Variants in SNX29 observed in about 807,000 individuals in gnomAD.
SNX29 encodes sorting nexin-29.
A neutral mutation model predicts 102.1 loss-of-function variants in SNX29; 78 were observed. The ratio of observed to expected loss-of-function variants is 0.76; its 90% CI spans 0.64 to 0.92. The LOEUF (loss-of-function observed/expected upper bound fraction) is 0.92. Among genes scored for constraint, SNX29 ranks in the 40% least tolerant of loss-of-function variants. The probability of loss-of-function intolerance (pLI) is 0.00; values close to 1 mark genes in which losing one functional copy is unlikely to be tolerated. For synonymous variants in SNX29, 580 were observed against 414.5 expected, an observed-to-expected ratio of 1.40 and a Z score of -4.85; for missense variants, 1,280 against 1,061.7, an observed-to-expected ratio of 1.21 and a Z score of -2.86.
chr16:12,537,796 C>CTATATCAGAGAGG (rs1491556012), intron 20 of SNX29, among the ~76,000 whole-genome samples: 3 of 151,990 alleles, frequency 2.0e-5, no homozygotes, highest in Non-Finnish European at 4.4e-5. Context: ...AAAATATCTC[C>CTATATCAGAGAGG]TATATCAGAG....
At chr16:12,046,973 T>C (rs1426360070) in intron 6 of SNX29, among the ~76,000 whole-genome samples, 2 of 152,134 alleles carry the variant, frequency 1.3e-5, no homozygotes, top group African/African-American at 2.4e-5. Flanking sequence ...AAAGTGAAGA[T>C]TTGAAGGTTT....
chr16:12,422,213 G>T (rs980462144), intron 18 of SNX29, among the ~76,000 whole-genome samples: 3 of 152,230 alleles, frequency 2.0e-5, no homozygotes, highest in African/African-American at 4.8e-5. Context: ...CTCAATGGCT[G>T]TGTGACCTTG....
intron 16 of SNX29, among the ~76,000 whole-genome samples, chr16:12,383,588 C>A (rs1035961611): frequency 6.6e-6 from 1 of 151,912 alleles, no homozygotes; most frequent in African/African-American, 2.4e-5. Context: ...AGGCGCCCAC[C>A]ACCACGCCCA....
At chr16:12,394,847 G>T (rs973196979) in intron 16 of SNX29, among the ~76,000 whole-genome samples, 2 of 152,138 alleles carry the variant, frequency 1.3e-5, no homozygotes, top group Non-Finnish European at 2.9e-5. Context: ...CCATGAAATC[G>T]GAAGCACACC....
chr16:12,224,014 C>A (rs187065588), intron 14 of SNX29, among the ~76,000 whole-genome samples: 141 of 152,296 alleles, frequency 9.3e-4, no homozygotes, highest in African/African-American at 3.3e-3. Flanking sequence ...GCCCAGGTCT[C>A]CTCACTCCAG....
At chr16:12,536,517 CT>C (rs1483067254) in intron 20 of SNX29, among the ~76,000 whole-genome samples, 2 of 152,166 alleles carry the variant, frequency 1.3e-5, no homozygotes, top group African/African-American at 4.8e-5. Context: ...CTTCATGCCT[CT>C]ATTTTCCCCT....
At chr16:12,162,891 CT>C (rs915590328) in intron 13 of SNX29, among the ~76,000 whole-genome samples, 4 of 149,184 alleles carry the variant, frequency 2.7e-5, no homozygotes, top group African/African-American at 2.5e-5. Context: ...CTTTGTTTTT[CT>C]TTTTTTTTTG....
At chr16:12,533,361 A>C (rs2076982990) in intron 20 of SNX29, among the ~76,000 whole-genome samples, 1 of 152,148 alleles carries the variant, frequency 6.6e-6, no homozygotes, top group Non-Finnish European at 1.5e-5. Context: ...CTTAGATGCT[A>C]AGAGGCTGTT....
intron 15 of SNX29, among the ~76,000 whole-genome samples, chr16:12,305,576 A>G (rs532638487): frequency 2.5e-4 from 38 of 152,214 alleles, no homozygotes; most frequent in South Asian, 4.2e-4. Context: ...AAATTTTGCT[A>G]TTTTGTTCTC....
intron 11 of SNX29, among the ~76,000 whole-genome samples, chr16:12,080,114 T>TC (rs994758028): frequency 6.6e-6 from 1 of 152,038 alleles, no homozygotes; most frequent in African/African-American, 2.4e-5. Flanking sequence ...ACGTTGAAGC[T>TC]CCCCCGACCT....
At chr16:12,503,739 T>G (rs960552036) in intron 19 of SNX29, among the ~76,000 whole-genome samples, 3 of 152,122 alleles carry the variant, frequency 2.0e-5, no homozygotes, top group Non-Finnish European at 4.4e-5. Flanking sequence ...AGAGGCTTTC[T>G]TCAAGGCAGA....
intron 20 of SNX29, chr16:12,526,449 A>G (rs2076785718): frequency 4.5e-6 from 2 of 444,122 alleles, no homozygotes; most frequent in African/African-American, 2.0e-5. Flanking sequence ...AAGACATTAT[A>G]GTATCCTGCT....
At chr16:12,398,326 A>G (rs2083792158) in intron 16 of SNX29, 120 bp from the exon 17 acceptor site, 4 of 1,105,382 alleles carry the variant, frequency 3.6e-6, no homozygotes, top group South Asian at 2.7e-5. Flanking sequence ...CTGCTTTTTC[A>G]CTTCATTCTG....
intron 13 of SNX29, among the ~76,000 whole-genome samples, chr16:12,184,265 A>G (rs751591805): frequency 5.3e-5 from 8 of 152,148 alleles, no homozygotes; most frequent in South Asian, 2.1e-4. Flanking sequence ...AGTGTCTTTT[A>G]TAGCCATTTC....
chr16:12,036,225 C>G (rs1042282531), intron 4 of SNX29, among the ~76,000 whole-genome samples: 2 of 152,084 alleles, frequency 1.3e-5, no homozygotes, highest in African/African-American at 4.8e-5. Flanking sequence ...CAGGTGTGTG[C>G]CGCCACACTC....
chr16:12,120,784 C>T (rs1251937844), intron 11 of SNX29, among the ~76,000 whole-genome samples: 1 of 152,138 alleles, frequency 6.6e-6, no homozygotes, highest in East Asian at 1.9e-4. Context: ...GTTTTGTAGG[C>T]TCGTCCTGTT....
chr16:12,165,665 G>A (rs1234033497), intron 13 of SNX29, among the ~76,000 whole-genome samples: 2 of 152,188 alleles, frequency 1.3e-5, no homozygotes, highest in Non-Finnish European at 2.9e-5. Context: ...GGTTCAAGCA[G>A]TTCTTCTGCC....
intron 14 of SNX29, among the ~76,000 whole-genome samples, chr16:12,217,184 A>AT (rs981413858): frequency 4.6e-5 from 7 of 151,994 alleles, no homozygotes; most frequent in Non-Finnish European, 8.8e-5. Context: ...CACCTGGATA[A>AT]TTTTTTTGTA....
intron 20 of SNX29, among the ~76,000 whole-genome samples, chr16:12,553,122 C>T (rs2078092815): frequency 6.6e-6 from 1 of 151,024 alleles, no homozygotes; most frequent in South Asian, 2.1e-4. Flanking sequence ...GCTGGGAGGG[C>T]CTTGGGCTTC....
Sources: allele counts gnomAD v4.1 joint callset (sites outside exome capture counted in the v4.1 genomes callset), GRCh38; gene constraint gnomAD v4.1.1; transcripts MANE v1.5; gene names NCBI Gene and HGNC (gene_info 2026-07-23, HGNC 2026-07-21).